ABTB2: variants seen among roughly 807,000 people sequenced by gnomAD.
ABTB2 encodes the protein ankyrin repeat and BTB domain containing 2.
A neutral mutation model predicts 104.1 loss-of-function variants in ABTB2; 56 were observed. The observed-to-expected ratio is 0.54, with a 90% confidence interval of 0.43 to 0.67. The LOEUF (loss-of-function observed/expected upper bound fraction) is 0.67, where lower values mean the gene tolerates loss of function less well. ABTB2 is among the 30% of genes least tolerant of loss of function. The pLI, the probability that ABTB2 is intolerant of heterozygous loss-of-function variation, is 0.00. For missense variants in ABTB2, 1,279 were observed against 1,407.7 expected, an observed-to-expected ratio of 0.91 and a Z score of 1.46; for synonymous variants, 606 against 608.2, an observed-to-expected ratio of 1.00 and a Z score of 0.05.
intron 1 of ABTB2, among the ~76,000 whole-genome samples, chr11:34,354,241 T>A (rs2133131336): frequency 6.6e-6 from 1 of 152,190 alleles, no homozygotes; most frequent in East Asian, 1.9e-4. Context: ...AGCTTTGTTG[T>A]CTGCCACAGA....
intron 1 of ABTB2, among the ~76,000 whole-genome samples, chr11:34,290,168 T>C (rs1447008600): frequency 2.0e-5 from 3 of 152,322 alleles, no homozygotes; most frequent in African/African-American, 7.2e-5. Flanking sequence ...AATAATCAAA[T>C]GGTGAAGTAC....
At chr11:34,346,368 C>T (rs1855332274) in intron 1 of ABTB2, among the ~76,000 whole-genome samples, 1 of 152,130 alleles carries the variant, frequency 6.6e-6, no homozygotes, top group African/African-American at 2.4e-5. Flanking sequence ...GGAGCTGGAT[C>T]TCACCACAGT....
rs959016072 is a variant in ABTB2 at position 34,154,660 on chromosome 11, G to A, written c.2766+41C>T. On this transcript the variant is annotated intron_variant, in intron 15 of 16. Coordinates refer to ENST00000435224, the MANE Select transcript of ABTB2 (RefSeq NM_145804.3). The surrounding 1 kb of genome is among the most constrained non-coding windows in gnomAD (Gnocchi z 4.9). ...GGTGAATGGGAGACCGAGCCGCTGG[G>A]CACCCTAGCCCAGGCCCCCTCCCCC... is the stretch of plus-strand genomic sequence containing the variant. The A allele has an allele frequency of 2.5e-6, 4 of 1,603,504 alleles. No individual in the cohort carries two copies. The highest frequency in any genetic ancestry group is 3.4e-6 in the Non-Finnish European group (4 of 1,171,496).
At chr11:34,255,229 TA>T in intron 1 of ABTB2, among the ~76,000 whole-genome samples, 1 of 152,184 alleles carries the variant, frequency 6.6e-6, no homozygotes, top group African/African-American at 2.4e-5. Flanking sequence ...GATCTTCTCC[TA>T]AACTTGACCT....
chr11:34,341,643 T>A (rs1400501955), intron 1 of ABTB2, among the ~76,000 whole-genome samples: 1 of 152,196 alleles, frequency 6.6e-6, no homozygotes, highest in African/African-American at 2.4e-5. Flanking sequence ...CATTTAAATA[T>A]ACACCTGTGG....
rs754756115 is a variant in ABTB2 at position 34,332,145 on chromosome 11, C to A, written c.883+24556G>T. 2.0e-5 allele frequency among the ~76,000 whole-genome samples: 3 copies of A among 152,222 alleles called. No individual in the cohort carries two copies. In the South Asian group the frequency reaches 6.2e-4, roughly 32 times the overall value. Reference sequence around the variant, plus strand: ...TTTCGGACCCAGAGCTCCTGAAGGGCAGGACTGTAACTTTTCGCCTCTATT... The same window carrying A: ...TTTCGGACCCAGAGCTCCTGAAGGGAAGGACTGTAACTTTTCGCCTCTATT... On this transcript the variant is annotated intron_variant, in intron 1 of 16. Coordinates refer to ENST00000435224, the MANE Select transcript of ABTB2 (RefSeq NM_145804.3).
intron 2 of ABTB2, among the ~76,000 whole-genome samples, chr11:34,200,828 G>T (rs1853327471): frequency 6.6e-6 from 1 of 152,126 alleles, no homozygotes; most frequent in Non-Finnish European, 1.5e-5. Flanking sequence ...GCATGCTCTT[G>T]ACCATCACAT....
chr11:34,159,797 G>C, intron 13 of ABTB2, 109 bp downstream of exon 13: 1 of 852,500 alleles, frequency 1.2e-6, no homozygotes, highest in East Asian at 2.5e-5. Context: ...AGTCTGAGGG[G>C]CAGAGGCTGC....
chr11:34,209,974 A>T lies in ABTB2; in HGVS notation c.884-5284T>A, dbSNP rs368134081. On this transcript the variant is annotated intron_variant, in intron 1 of 16. Coordinates refer to ENST00000435224, the MANE Select transcript of ABTB2 (RefSeq NM_145804.3). ...AGTGATTCTCCACCAGGGCCCAGAG[A>T]GGGTGCCACTGAGTTAGAAGGGAAA... Among the ~76,000 whole-genome samples the T allele has an allele frequency of 6.6e-5, 10 of 151,942 alleles. No individual in the cohort carries two copies. In the East Asian group the frequency reaches 1.9e-3, roughly 29 times the overall value.
rs1156544597 is a variant in ABTB2 at position 34,162,751 on chromosome 11, C to T, written c.2043G>A (p.Leu681=). ...CCTCGGCCAGGATCTCCTCCAGGGA[C>T]AGCACGTCCGCTTTAGCCTGCTGTG... ...TQPQQAKADV[L]SLEEILAEGV... is the part of the protein sequence containing the mutation. The change falls in exon 10 of 17, where the codon CTG becomes CTA. Residue 681 remains leucine (L), a synonymous_variant. Coordinates refer to ENST00000435224, the MANE Select transcript of ABTB2 (RefSeq NM_145804.3). 5 of 1,610,174 alleles carry T rather than the reference C, an allele frequency of 3.1e-6. No individual in the cohort carries two copies. The highest frequency in any genetic ancestry group is 2.5e-6 in the Non-Finnish European group (3 of 1,180,026).
chr11:34,220,694 TC>T (rs902672863), intron 1 of ABTB2, among the ~76,000 whole-genome samples: 1 of 152,184 alleles, frequency 6.6e-6, no homozygotes, highest in Non-Finnish European at 1.5e-5. Context: ...GCACTGCCTA[TC>T]CCTGAACCTC....
chr11:34,271,255 T>C (rs1427772203), intron 1 of ABTB2, among the ~76,000 whole-genome samples: 1 of 152,214 alleles, frequency 6.6e-6, no homozygotes, highest in Non-Finnish European at 1.5e-5. Context: ...CAAGACACCT[T>C]TGATGGAAAT....
chr11:34,186,406 C>A, intron 3 of ABTB2, among the ~76,000 whole-genome samples: 1 of 152,328 alleles, frequency 6.6e-6, no homozygotes, highest in South Asian at 2.1e-4. Context: ...CTCCTGTCCT[C>A]CCCCCATCCT....
chr11:34,335,613 T>C, intron 1 of ABTB2: 2 of 1,504,832 alleles, frequency 1.3e-6, no homozygotes, highest in South Asian at 1.1e-5. Flanking sequence ...TAATTTCTTG[T>C]TCAACAGGTG....
At chr11:34,352,009 A>G (rs1326761045) in intron 1 of ABTB2, among the ~76,000 whole-genome samples, 3 of 152,200 alleles carry the variant, frequency 2.0e-5, no homozygotes, top group Admixed American at 6.5e-5. Context: ...AAAATGGTTA[A>G]AGAGATAGGA....
At chr11:34,175,987 CA>C (rs916984963) in intron 3 of ABTB2, among the ~76,000 whole-genome samples, 135 of 151,840 alleles carry the variant, frequency 8.9e-4, no homozygotes, top group Non-Finnish European at 1.0e-3. Context: ...CCCACCCCCC[CA>C]AAAAAAAGGG....
rs140604161 is a variant in ABTB2, at chr11:34,179,796, C to G, written c.1245-6489G>C. 1.1e-4 allele frequency among the ~76,000 whole-genome samples: 16 copies of G among 152,318 alleles called. No homozygotes were observed. In the East Asian group the frequency reaches 2.9e-3, roughly 28 times the overall value. On this transcript the variant is annotated intron_variant, in intron 3 of 16. Coordinates refer to ENST00000435224, the MANE Select transcript of ABTB2 (RefSeq NM_145804.3). The stretch of plus-strand genomic sequence containing the variant: ...GTACCTACTGCATGGTGACCAAGAG[C>G]ACGGACTCCTGAGGGAGATGGCCTG...
intron 1 of ABTB2, among the ~76,000 whole-genome samples, chr11:34,334,791 A>G (rs1323125425): frequency 1.1e-4 from 17 of 151,498 alleles, no homozygotes; most frequent in Admixed American, 1.0e-3. Context: ...TTCGTAACCA[A>G]ATGTGTGATT....
At position 34,164,862 on chromosome 11, in the gene ABTB2, T is replaced by G. The variant is rs551358459; in HGVS notation, c.1853-41A>C. 35 of 1,568,406 alleles carry G rather than the reference T, an allele frequency of 2.2e-5. No individual in the cohort carries two copies. In the South Asian group the frequency reaches 4.0e-4, roughly 18 times the overall value. ...GGCAGCACGGAGGACACTGAGACAG[T>G]AGCCGCCAGGGCAGCTGAGGCGAAA... On this transcript the variant is annotated intron_variant, in intron 8 of 16. Coordinates refer to ENST00000435224, the MANE Select transcript of ABTB2 (RefSeq NM_145804.3).
Sources: gnomAD v4.1 joint callset for allele counts (sites outside exome capture counted in the v4.1 genomes callset) on GRCh38, gnomAD v4.1.1 for gene constraint, Gnocchi (gnomAD v3.1) non-coding constraint, MANE v1.5 for transcripts, NCBI Gene and HGNC (gene_info 2026-07-23, HGNC 2026-07-21) for gene names.